BCAS3: variants seen among roughly 807,000 people sequenced by gnomAD.
BCAS3 encodes the protein BCAS3 microtubule associated cell migration factor.
A neutral mutation model predicts 116.1 loss-of-function variants in BCAS3; 53 were observed. That is an observed-to-expected ratio of 0.46 (90% confidence interval 0.37 to 0.57). BCAS3 has a LOEUF of 0.57. BCAS3 is among the 20% of genes least tolerant of loss of function. BCAS3 has a pLI of 0.00. For synonymous variants in BCAS3, 391 were observed against 408.2 expected, an observed-to-expected ratio of 0.96 and a Z score of 0.51; for missense variants, 917 against 1,165.4, an observed-to-expected ratio of 0.79 and a Z score of 3.10.
At position 61,204,656 on chromosome 17, in the gene BCAS3, T is replaced by C. The variant is rs2081025029; in HGVS notation, c.2425+120092T>C. Reference sequence around the variant, plus strand: ...ACCAGGGTTTTTTTGTTTTCGTTTTTCTTTAAATCTCATTCCCATTAATTG... The same window carrying C: ...ACCAGGGTTTTTTTGTTTTCGTTTTCCTTTAAATCTCATTCCCATTAATTG... On this transcript the variant is annotated intron_variant, in intron 22 of 23. Transcript: ENST00000407086. The surrounding 1 kb of genome is among the most constrained non-coding windows in gnomAD (Gnocchi z 4.2). 6.6e-6 allele frequency among the ~76,000 whole-genome samples: 1 copy of C among 152,222 alleles called. No individual in the cohort carries two copies. Among genetic ancestry groups the C allele is most frequent in the Non-Finnish European group, 1.5e-5 (1 of 68,034 alleles).
chr17:60,746,721 TAACA>T (rs2042041671), intron 5 of BCAS3, among the ~76,000 whole-genome samples: 2 of 152,200 alleles, frequency 1.3e-5, no homozygotes, highest in African/African-American at 4.8e-5. Context: ...TACTCAAGGT[TAACA>T]GACAATTAGT....
chr17:61,032,342 GC>G lies in BCAS3; in HGVS notation c.1638-2323del, dbSNP rs2066706223. On this transcript the variant is annotated intron_variant, in intron 16 of 23. Transcript: ENST00000407086. This position sits in a 1 kb window ranked among gnomAD's most constrained non-coding sequence, Gnocchi z 4.6. ...TTCTCTGATGGTGATTCTAGTAAAA[GC>G]ACATAGTCGCACAATTGCAAACTGC... 6.6e-6 allele frequency among the ~76,000 whole-genome samples: 1 copy of G among 152,092 alleles called. No individual in the cohort carries two copies. The highest frequency in any genetic ancestry group is 1.5e-5 in the Non-Finnish European group (1 of 68,000).
intron 6 of BCAS3, among the ~76,000 whole-genome samples, chr17:60,799,945 T>G (rs2047618303): frequency 6.6e-6 from 1 of 152,082 alleles, no homozygotes. Context: ...CCTTTTTAAT[T>G]TCGATTAGTA....
chr17:60,722,126 G>GT (rs1172490489), intron 5 of BCAS3, among the ~76,000 whole-genome samples: 1 of 151,990 alleles, frequency 6.6e-6, no homozygotes, highest in Non-Finnish European at 1.5e-5. Flanking sequence ...TTTGTTCCCA[G>GT]TTTTTGAGTA....
intron 14 of BCAS3, among the ~76,000 whole-genome samples, chr17:60,985,696 A>G (rs1484562550): frequency 2.0e-5 from 3 of 151,722 alleles, no homozygotes; most frequent in African/African-American, 7.3e-5. Context: ...CCTCTCGTAA[A>G]CATCCTTCTA....
At chr17:60,856,910 C>T (rs1468311055) in intron 7 of BCAS3, among the ~76,000 whole-genome samples, 4 of 152,158 alleles carry the variant, frequency 2.6e-5, no homozygotes, top group Non-Finnish European at 2.9e-5. Flanking sequence ...ACCCTCTTCA[C>T]TGTAATGAAT....
At chr17:60,686,305 G>A (rs2034034559) in intron 3 of BCAS3, among the ~76,000 whole-genome samples, 1 of 151,968 alleles carries the variant, frequency 6.6e-6, no homozygotes, top group South Asian at 2.1e-4. Context: ...TGCCAATATT[G>A]TGTTCTACCT....
chr17:61,068,702 T>A lies in BCAS3; in HGVS notation c.2030-6218T>A, dbSNP rs1209557026. On this transcript the variant is annotated intron_variant, in intron 19 of 23. Transcript: ENST00000407086. The surrounding 1 kb of genome is among the most constrained non-coding windows in gnomAD (Gnocchi z 4.3). ...TTTCACCGCCATTGGTCCCTAAAAC[T>A]TCTTCTGGGATTCTGTCGTTTCCCA... 6.6e-6 allele frequency among the ~76,000 whole-genome samples: 1 copy of A among 152,198 alleles called. No individual in the cohort carries two copies. Among genetic ancestry groups the A allele is most frequent in the Non-Finnish European group, 1.5e-5 (1 of 68,030 alleles).
rs904731523 is a variant in BCAS3 at position 61,180,989 on chromosome 17, G to C, written c.2425+96425G>C. ...TCTTAGCACTTTGGGAGGCTGGGGT[G>C]GGGGGATCACTTGAGCCCAAGAGTT... On this transcript the variant is annotated intron_variant, in intron 22 of 23. Transcript: ENST00000407086. This position sits in a 1 kb window ranked among gnomAD's most constrained non-coding sequence, Gnocchi z 6.0. 2.0e-5 allele frequency among the ~76,000 whole-genome samples: 3 copies of C among 152,050 alleles called. No individual in the cohort carries two copies. The highest frequency in any genetic ancestry group is 4.4e-5 in the Non-Finnish European group (3 of 67,992).
chr17:60,990,224 C>T lies in BCAS3; in HGVS notation c.1475C>T (p.Ser492Leu). The T allele has an allele frequency of 6.2e-7, 1 of 1,613,854 alleles. No individual in the cohort carries two copies. The highest frequency in any genetic ancestry group is 1.7e-5 in the Admixed American group (1 of 60,020). The change falls in exon 15 of 24, where the codon TCA (serine) becomes TTA (leucine). Residue 492 changes from serine to leucine, a missense_variant. Coordinates refer to ENST00000407086, the MANE Select transcript of BCAS3 (RefSeq NM_017679.5). The surrounding 1 kb of genome is among the most constrained non-coding windows in gnomAD (Gnocchi z 5.1). ...GGTCTATCAAGCAGCCCTTCTGGGT[C>T]ACCCTTGCATGGTAATTTTCTCTGT... ...VPGLSSSPSG[S>L]PLHGKLNSQD...
rs1405390141 is a variant in BCAS3 at position 61,368,305 on chromosome 17, A to C, written c.2426-22A>C. 2 of 1,572,278 alleles carry C rather than the reference A, an allele frequency of 1.3e-6. No individual in the cohort carries two copies. Among genetic ancestry groups the C allele is most frequent in the East Asian group, 4.5e-5 (2 of 44,032 alleles). On this transcript the variant is annotated intron_variant, in intron 22 of 23. Coordinates refer to ENST00000407086, the MANE Select transcript of BCAS3 (RefSeq NM_017679.5). The surrounding 1 kb of genome is among the most constrained non-coding windows in gnomAD (Gnocchi z 6.0). The stretch of plus-strand genomic sequence containing the variant: ...TCCCTGAAGGTGTGGACTCAACGTC[A>C]GATGTCCCGTGTGTGCCACAGGTAC...
At chr17:60,791,501 A>G (rs1242820400) in intron 6 of BCAS3, among the ~76,000 whole-genome samples, 1 of 152,128 alleles carries the variant, frequency 6.6e-6, no homozygotes, top group Admixed American at 6.5e-5. Flanking sequence ...AAAATATTAA[A>G]GAATTAGCTG....
At chr17:60,917,626 C>T (rs936864773) in intron 12 of BCAS3, among the ~76,000 whole-genome samples, 2 of 151,322 alleles carry the variant, frequency 1.3e-5, no homozygotes, top group Non-Finnish European at 1.5e-5. Flanking sequence ...TGGAGTCTTG[C>T]TCTGTTACCA....
Position 61,171,789 on chromosome 17 carries a change from TAAA to T in BCAS3, c.2425+87232_2425+87234del, listed in dbSNP as rs201954739. Among the ~76,000 whole-genome samples, 132 of 151,124 alleles carry T rather than the reference TAAA, an allele frequency of 8.7e-4. 1 individual carries two copies. Among genetic ancestry groups the T allele is most frequent in the African/African-American group, 3.1e-3 (128 of 40,982 alleles). On this transcript the variant is annotated intron_variant, in intron 22 of 23. Transcript: ENST00000407086. The surrounding 1 kb of genome is among the most constrained non-coding windows in gnomAD (Gnocchi z 4.1). ...GCATGTGCCACCATGCCCTGCTAAT[TAAA>T]AAAAAATTTTTTTTTTTTTTTGTAG...
intron 5 of BCAS3, among the ~76,000 whole-genome samples, chr17:60,740,094 G>A (rs2041383424): frequency 2.6e-5 from 4 of 151,884 alleles, no homozygotes; most frequent in Admixed American, 6.6e-5. Flanking sequence ...CATTTATCCC[G>A]CATGCTGTTT....
intron 5 of BCAS3, among the ~76,000 whole-genome samples, chr17:60,720,570 C>T (rs116403542): frequency 0.031 from 4,739 of 151,894 alleles, 237 homozygotes; most frequent in African/African-American, 0.1. Context: ...ATTCTGAATA[C>T]GTGCATTCAG....
intron 7 of BCAS3, among the ~76,000 whole-genome samples, chr17:60,831,165 T>G (rs1195479626): frequency 6.7e-6 from 1 of 148,648 alleles, no homozygotes; most frequent in African/African-American, 2.5e-5. Flanking sequence ...AAATGTCTTT[T>G]GATTGAGTTA....
chr17:61,232,532 G>A (rs1052311056), intron 22 of BCAS3, among the ~76,000 whole-genome samples: 1 of 152,062 alleles, frequency 6.6e-6, no homozygotes, highest in African/African-American at 2.4e-5. Flanking sequence ...GCAGACCCTT[G>A]GAATATAACC....
chr17:61,210,338 A>G (rs932185742), intron 22 of BCAS3, among the ~76,000 whole-genome samples: 1 of 152,170 alleles, frequency 6.6e-6, no homozygotes, highest in Non-Finnish European at 1.5e-5. Context: ...TACAAAGGAA[A>G]TTCACAATTT....
Sources: gnomAD v4.1 joint callset for allele counts (sites outside exome capture counted in the v4.1 genomes callset) on GRCh38, gnomAD v4.1.1 for gene constraint, Gnocchi (gnomAD v3.1) non-coding constraint, MANE v1.5 for transcripts, NCBI Gene and HGNC (gene_info 2026-07-23, HGNC 2026-07-21) for gene names.